Variants in CECR2 observed in about 807,000 individuals in gnomAD.
CECR2 encodes CECR2 histone acetyl-lysine reader.
Under a neutral mutation model 154.5 loss-of-function variants are expected in CECR2, and 30 were observed. The observed-to-expected ratio is 0.19, with a 90% CI of 0.15 to 0.26. The LOEUF is 0.26. CECR2 is among the 10% of genes least tolerant of loss of function. CECR2 has a pLI of 1.00. For missense variants in CECR2, 1,743 were observed against 1,829.3 expected, an observed-to-expected ratio of 0.95 and a Z score of 0.86; for synonymous variants, 725 against 683.7, an observed-to-expected ratio of 1.06 and a Z score of -0.94.
chr22:17,397,176 G>A (rs2053824262), intron 1 of CECR2, among the ~76,000 whole-genome samples: 1 of 150,832 alleles, frequency 6.6e-6, no homozygotes, highest in Non-Finnish European at 1.5e-5. Context: ...TGGCTCTGTC[G>A]CCCAGGCTGG....
intron 1 of CECR2, among the ~76,000 whole-genome samples, chr22:17,429,667 T>G (rs771184532): frequency 5.3e-5 from 8 of 152,156 alleles, no homozygotes; most frequent in Non-Finnish European, 1.0e-4. Context: ...AAAGGAACTA[T>G]ACAGCGTTGG....
chr22:17,465,326 T>G (rs761581369), intron 1 of CECR2, among the ~76,000 whole-genome samples: 6 of 151,804 alleles, frequency 4.0e-5, no homozygotes, highest in Middle Eastern at 3.4e-3. Flanking sequence ...TTTTTGTGTT[T>G]TATTTTGTTT....
chr22:17,503,922 C>T (rs2055785134), intron 6 of CECR2, among the ~76,000 whole-genome samples: 1 of 151,954 alleles, frequency 6.6e-6, no homozygotes, highest in Non-Finnish European at 1.5e-5. Context: ...TGGCAGGCAC[C>T]TGTAATCCCA....
chr22:17,525,285 C>CAAAAAAAAAAAAAAAAAAAA (rs1569142080), intron 9 of CECR2, among the ~76,000 whole-genome samples: 2 of 32,324 alleles, frequency 6.2e-5, no homozygotes, highest in African/African-American at 2.4e-4. Flanking sequence ...AACTCCATCT[C>CAAAAAAAAAAAAAAAAAAAA]CAAAAAAAAA....
intron 18 of CECR2, 74 bp from the exon 19 acceptor site, chr22:17,552,761 T>C: frequency 8.4e-7 from 1 of 1,188,604 alleles, no homozygotes; most frequent in Non-Finnish European, 1.2e-6. Context: ...TGGACATTCT[T>C]TGGCTTACTT....
At chr22:17,368,142 C>T (rs2063012976), upstream of CECR2, among the ~76,000 whole-genome samples, 1 of 151,134 alleles carries the variant, frequency 6.6e-6, no homozygotes, top group Admixed American at 6.6e-5. Context: ...CTGAATGCTG[C>T]CTTAAAAAAT....
intron 1 of CECR2, among the ~76,000 whole-genome samples, chr22:17,395,617 A>T (rs1487873868): frequency 6.6e-6 from 1 of 152,138 alleles, no homozygotes. Flanking sequence ...AAGTGCTGGG[A>T]TTACAGGGGT....
At chr22:17,496,262 A>G (rs1601458453) in intron 2 of CECR2, among the ~76,000 whole-genome samples, 1 of 152,008 alleles carries the variant, frequency 6.6e-6, no homozygotes, top group South Asian at 2.1e-4. Context: ...CTTTGTGAGG[A>G]CGAGGCGGGT....
intron 1 of CECR2, among the ~76,000 whole-genome samples, chr22:17,466,742 G>T (rs545274037): frequency 1.3e-5 from 2 of 151,930 alleles, no homozygotes; most frequent in Non-Finnish European, 2.9e-5. Flanking sequence ...TTACAGGCGC[G>T]TGCCACCATG....
At chr22:17,515,015 TC>T (rs760327871) in intron 8 of CECR2, among the ~76,000 whole-genome samples, 1 of 145,340 alleles carries the variant, frequency 6.9e-6, no homozygotes, top group Non-Finnish European at 1.5e-5. Context: ...AGAGCAAGAC[TC>T]CGTCTCAAAA....
intron 1 of CECR2, among the ~76,000 whole-genome samples, chr22:17,421,485 G>A (rs931314225): frequency 6.6e-5 from 10 of 151,398 alleles, no homozygotes; most frequent in South Asian, 2.1e-4. Flanking sequence ...TGTAGTGGCG[G>A]GCGCCTGTAG....
chr22:17,426,014 T>G (rs1327173296), intron 1 of CECR2, among the ~76,000 whole-genome samples: 1 of 152,110 alleles, frequency 6.6e-6, no homozygotes, highest in African/African-American at 2.4e-5. Context: ...GCTAAGAGAT[T>G]AGGAAATAAA....
chr22:17,411,033 C>T (rs1055837134), intron 1 of CECR2, among the ~76,000 whole-genome samples: 2 of 152,140 alleles, frequency 1.3e-5, no homozygotes, highest in Non-Finnish European at 2.9e-5. Flanking sequence ...AATAGGAAGC[C>T]CAAGACTTAA....
intron 1 of CECR2, among the ~76,000 whole-genome samples, chr22:17,410,046 A>ATC (rs753463910): frequency 0.071 from 9,670 of 135,790 alleles, 2,760 homozygotes; most frequent in African/African-American, 0.21. Context: ...CAGTGGCAGT[A>ATC]TCTCGGCTCA....
chr22:17,429,224 A>G (rs926299534), intron 1 of CECR2, among the ~76,000 whole-genome samples: 2 of 152,112 alleles, frequency 1.3e-5, no homozygotes, highest in African/African-American at 4.8e-5. Flanking sequence ...GGTACAAAGA[A>G]GGTCCTCAGT....
At chr22:17,383,137 A>C (rs905955089) in intron 1 of CECR2, among the ~76,000 whole-genome samples, 3 of 152,114 alleles carry the variant, frequency 2.0e-5, no homozygotes, top group African/African-American at 7.2e-5. Context: ...AGGCAGGAGA[A>C]TCTCTTGAAC....
At chr22:17,499,901 A>G (rs919683590) in intron 4 of CECR2, among the ~76,000 whole-genome samples, 1 of 152,126 alleles carries the variant, frequency 6.6e-6, no homozygotes, top group African/African-American at 2.4e-5. Flanking sequence ...AGATCTCCTT[A>G]TTTCGACTAG....
At chr22:17,466,013 T>C (rs900888287) in intron 1 of CECR2, among the ~76,000 whole-genome samples, 3 of 150,506 alleles carry the variant, frequency 2.0e-5, no homozygotes, top group Non-Finnish European at 4.4e-5. Flanking sequence ...GCTCCTTTAT[T>C]TATTTATTTA....
chr22:17,431,408 A>G (rs1032510323), intron 1 of CECR2, among the ~76,000 whole-genome samples: 1 of 152,214 alleles, frequency 6.6e-6, no homozygotes, highest in Non-Finnish European at 1.5e-5. Context: ...CTGACACAGA[A>G]GTTATTGTAC....
Sources: gnomAD v4.1 joint callset for allele counts (sites outside exome capture counted in the v4.1 genomes callset) on GRCh38, gnomAD v4.1.1 for gene constraint, MANE v1.5 for transcripts, NCBI Gene and HGNC (gene_info 2026-07-23, HGNC 2026-07-21) for gene names.